Variants in LRIG1 observed in about 807,000 individuals in gnomAD.
LRIG1 encodes the protein leucine-rich repeats and immunoglobulin-like domains protein 1.
In LRIG1, 48 loss-of-function variants were observed where a neutral mutation model predicts 99.2. That is an observed-to-expected ratio of 0.48 (90% CI 0.38 to 0.62). The LOEUF (loss-of-function observed/expected upper bound fraction) is 0.62. LRIG1 is among the 20% of genes least tolerant of loss of function. The probability of loss-of-function intolerance (pLI) is 0.00; values close to 1 mark genes in which losing one functional copy is unlikely to be tolerated. For missense variants in LRIG1, 1,646 were observed against 1,434.4 expected, an observed-to-expected ratio of 1.15 and a Z score of -2.38; for synonymous variants, 772 against 596.1, an observed-to-expected ratio of 1.29 and a Z score of -4.30.
rs114039223 is a variant in LRIG1 at position 66,484,229 on chromosome 3, C to T, written c.218+15961G>A. ...TTATTCTATCTGGCAGAGGTATTTCCACAGGACATACAGGACTCTACAGAA... is the reference window on the plus strand; with the variant it reads ...TTATTCTATCTGGCAGAGGTATTTCTACAGGACATACAGGACTCTACAGAA... On this transcript the variant is annotated intron_variant, in intron 1 of 18. Transcript: ENST00000273261. Among the ~76,000 whole-genome samples, 737 of 152,152 alleles carry T rather than the reference C, an allele frequency of 4.8e-3. 13 individuals are homozygous for T. The highest frequency in any genetic ancestry group is 0.013 in the African/African-American group (543 of 41,504).
At chr3:66,430,639 T>C (rs1703140023) in intron 3 of LRIG1, among the ~76,000 whole-genome samples, 1 of 152,186 alleles carries the variant, frequency 6.6e-6, no homozygotes, top group African/African-American at 2.4e-5. Context: ...CAGTGACTTC[T>C]AAGGGGCTTG....
intron 17 of LRIG1, among the ~76,000 whole-genome samples, chr3:66,381,141 C>G (rs1366080783): frequency 6.6e-6 from 1 of 152,192 alleles, no homozygotes; most frequent in Non-Finnish European, 1.5e-5. Context: ...AGGTACCATG[C>G]AGTGTTGGGT....
chr3:66,500,516 C>T lies in LRIG1; in HGVS notation c.-109G>A, dbSNP rs1701335029. The T allele has an allele frequency of 5.8e-6, 3 of 518,316 alleles. No individual in the cohort carries two copies. The highest frequency in any genetic ancestry group is 4.5e-5 in the Admixed American group (1 of 22,244). The allele number at this position is 518,316 out of a possible 1,614,324, so 32.1% of individuals were successfully genotyped here. On this transcript the variant is annotated 5_prime_UTR_variant, in exon 1 of 19. Transcript: ENST00000273261. Reference sequence around the variant, plus strand: ...CTCCGCTCGGCTCTAGACTCCGCACCGGGGCATGGCCCCCGCCCCAAGTTC... The same window carrying T: ...CTCCGCTCGGCTCTAGACTCCGCACTGGGGCATGGCCCCCGCCCCAAGTTC...
intron 9 of LRIG1, among the ~76,000 whole-genome samples, chr3:66,403,562 G>A (rs1702143261): frequency 6.6e-6 from 1 of 152,164 alleles, no homozygotes; most frequent in Non-Finnish European, 1.5e-5. Context: ...TTGGGGCTCA[G>A]GTGGAAGAGC....
At chr3:66,427,660 A>G (rs1703027824) in intron 3 of LRIG1, among the ~76,000 whole-genome samples, 1 of 152,226 alleles carries the variant, frequency 6.6e-6, no homozygotes, top group Non-Finnish European at 1.5e-5. Flanking sequence ...TTAAAATTGC[A>G]GCACTATCAG....
intron 1 of LRIG1, among the ~76,000 whole-genome samples, chr3:66,499,509 G>C (rs1206161751): frequency 2.6e-5 from 4 of 152,140 alleles, no homozygotes; most frequent in Admixed American, 6.5e-5. Flanking sequence ...CCAAACAGGC[G>C]TAAAAGGACA....
At chr3:66,457,676 C>T (rs1219496806) in intron 2 of LRIG1, among the ~76,000 whole-genome samples, 1 of 152,226 alleles carries the variant, frequency 6.6e-6, no homozygotes. Context: ...CGCTGAGGCA[C>T]TAAGTAACTT....
At position 66,477,014 on chromosome 3, in the gene LRIG1, C is replaced by T. The variant is rs1700737290; in HGVS notation, c.219-14505G>A. 1.3e-5 allele frequency among the ~76,000 whole-genome samples: 2 copies of T among 152,224 alleles called. 1 individual carries two copies. The highest frequency in any genetic ancestry group is 4.1e-4 in the South Asian group (2 of 4,834). On this transcript the variant is annotated intron_variant, in intron 1 of 18. Transcript: ENST00000273261. ...ATTCCTATCTCTGCTTTAAATACGT[C>T]TGTTGAGTGAGAGCAGGCAAGAACT...
At chr3:66,421,581 C>G (rs531838448) in intron 3 of LRIG1, among the ~76,000 whole-genome samples, 1 of 152,326 alleles carries the variant, frequency 6.6e-6, no homozygotes, top group East Asian at 1.9e-4. Context: ...TATAGCCTCC[C>G]TCCCAGCTGC....
At chr3:66,419,599 A>G (rs1702739684) in intron 3 of LRIG1, among the ~76,000 whole-genome samples, 1 of 152,122 alleles carries the variant, frequency 6.6e-6, no homozygotes, top group Admixed American at 6.5e-5. Flanking sequence ...CAGATTGCAG[A>G]GCTAGTAGGG....
intron 2 of LRIG1, among the ~76,000 whole-genome samples, chr3:66,460,390 T>C (rs1056920759): frequency 6.6e-6 from 1 of 152,200 alleles, no homozygotes; most frequent in African/African-American, 2.4e-5. Flanking sequence ...TCTTGGTGAC[T>C]ATGATGGGCT....
chr3:66,483,449 C>T (rs924855788), intron 1 of LRIG1, among the ~76,000 whole-genome samples: 13 of 152,252 alleles, frequency 8.5e-5, no homozygotes, highest in African/African-American at 3.1e-4. Flanking sequence ...GCTGGGTCCA[C>T]AGAGGGCAGG....
At chr3:66,481,378 T>G (rs1219543860) in intron 1 of LRIG1, among the ~76,000 whole-genome samples, 1 of 152,234 alleles carries the variant, frequency 6.6e-6, no homozygotes, top group Non-Finnish European at 1.5e-5. Context: ...TTCATTAATA[T>G]ATAATCAGAA....
intron 1 of LRIG1, among the ~76,000 whole-genome samples, chr3:66,465,711 T>C (rs917756802): frequency 1.3e-5 from 2 of 152,004 alleles, no homozygotes; most frequent in Non-Finnish European, 2.9e-5. Context: ...AACATAAAAT[T>C]TGCCTTTGTA....
At chr3:66,489,525 ATGTGTGTGTGTG>A (rs56128311) in intron 1 of LRIG1, among the ~76,000 whole-genome samples, 6,551 of 150,356 alleles carry the variant, frequency 0.044, 493 homozygotes, top group African/African-American at 0.15. Flanking sequence ...CTTTGTGTGT[ATGTGTGTGTGTG>A]TGTGTGTGTG....
At chr3:66,410,489 G>A (rs193000689) in intron 6 of LRIG1, among the ~76,000 whole-genome samples, 45 of 152,306 alleles carry the variant, frequency 3.0e-4, no homozygotes, top group Non-Finnish European at 4.7e-4. Flanking sequence ...TGCCAAGGCC[G>A]ACTCGAGTGT....
intron 1 of LRIG1, among the ~76,000 whole-genome samples, chr3:66,466,108 T>C (rs1352694574): frequency 1.3e-5 from 2 of 152,222 alleles, no homozygotes; most frequent in African/African-American, 4.8e-5. Flanking sequence ...CATGGCTCAC[T>C]GCAGCCTCAA....
intron 17 of LRIG1, chr3:66,381,077 A>T (rs1701028912): frequency 3.3e-6 from 2 of 600,352 alleles, no homozygotes; most frequent in African/African-American, 3.7e-5. Flanking sequence ...GTTTACAGTG[A>T]ATTTCATAGA....
At chr3:66,464,795 G>C (rs1207201772) in intron 1 of LRIG1, among the ~76,000 whole-genome samples, 2 of 152,170 alleles carry the variant, frequency 1.3e-5, no homozygotes, top group Non-Finnish European at 2.9e-5. Flanking sequence ...AACCATTTAA[G>C]TCACAACACC....
Sources: gnomAD v4.1 joint callset for allele counts (sites outside exome capture counted in the v4.1 genomes callset) on GRCh38, gnomAD v4.1.1 for gene constraint, MANE v1.5 for transcripts, NCBI Gene and HGNC (gene_info 2026-07-23, HGNC 2026-07-21) for gene names.